The following ARHGAP17 variants were observed in gnomAD, a reference collection of about 807,000 sequenced individuals.
ARHGAP17 encodes the protein Rho GTPase activating protein 17.
A neutral mutation model predicts 99.5 loss-of-function variants in ARHGAP17; 57 were observed. The ratio of observed to expected loss-of-function variants is 0.57; its 90% confidence interval spans 0.46 to 0.71. ARHGAP17 has a LOEUF of 0.71. Among genes scored for constraint, ARHGAP17 ranks in the 30% least tolerant of loss-of-function variants. ARHGAP17 has a pLI of 0.00. For missense variants in ARHGAP17, 1,000 were observed against 1,122.4 expected, an observed-to-expected ratio of 0.89 and a Z score of 1.56; for synonymous variants, 417 against 429.6, an observed-to-expected ratio of 0.97 and a Z score of 0.36.
At chr16:24,980,928 T>C (rs1330675914) in intron 1 of ARHGAP17, among the ~76,000 whole-genome samples, 1 of 152,144 alleles carries the variant, frequency 6.6e-6, no homozygotes, top group African/African-American at 2.4e-5. Context: ...TCAAGGCCTA[T>C]TAAAATTTTC....
chr16:24,927,413 T>C (rs1295469538), intron 19 of ARHGAP17, among the ~76,000 whole-genome samples: 2 of 152,198 alleles, frequency 1.3e-5, no homozygotes, highest in Non-Finnish European at 2.9e-5. Context: ...CTTCCTACTA[T>C]ACCTCAAGCT....
chr16:24,935,011 G>A (rs1185265942), intron 18 of ARHGAP17, among the ~76,000 whole-genome samples: 1 of 152,144 alleles, frequency 6.6e-6, no homozygotes, highest in Non-Finnish European at 1.5e-5. Context: ...TGATCTGCTT[G>A]GAGTTTTAAA....
rs1555465115 is a variant in ARHGAP17, at chr16:24,968,641, C to G, written c.384+20G>C. The G allele has an allele frequency of 1.2e-6, 2 of 1,612,820 alleles. No individual in the cohort carries two copies. The highest frequency in any genetic ancestry group is 3.3e-5 in the Admixed American group (2 of 60,004). ...CCACACCACTCTCGGCTCTTCCGTGCTGCACGGTGAAGCACCCACCTCAGC... is the reference window on the plus strand; with the variant it reads ...CCACACCACTCTCGGCTCTTCCGTGGTGCACGGTGAAGCACCCACCTCAGC... On this transcript the variant is annotated intron_variant, in intron 5 of 19. Coordinates refer to ENST00000289968, the MANE Select transcript of ARHGAP17 (RefSeq NM_001006634.3).
In ARHGAP17 at chr16:24,984,290, C is replaced by G. The variant is rs1416290378; in HGVS notation, c.54-5285G>C. 2.0e-5 allele frequency among the ~76,000 whole-genome samples: 3 copies of G among 152,256 alleles called. 1 individual carries two copies. In the South Asian group the frequency reaches 6.2e-4, roughly 32 times the overall value. ...CACTACCGTCCTCCTCCCTGCTAGA[C>G]AGCAGGTTCCATGAGGGCAGAGAGA... is the stretch of plus-strand genomic sequence containing the variant. On this transcript the variant is annotated intron_variant, in intron 1 of 19. Coordinates refer to ENST00000289968, the MANE Select transcript of ARHGAP17 (RefSeq NM_001006634.3).
At chr16:24,943,663 A>C in intron 15 of ARHGAP17, 108 bp downstream of exon 15, 1 of 955,218 alleles carries the variant, frequency 1.0e-6, no homozygotes, top group East Asian at 2.5e-5. Context: ...AAAAAGTGAA[A>C]CCAATTACGT....
At chr16:24,997,113 T>C (rs1296891724) in intron 1 of ARHGAP17, among the ~76,000 whole-genome samples, 1 of 152,226 alleles carries the variant, frequency 6.6e-6, no homozygotes, top group Non-Finnish European at 1.5e-5. Flanking sequence ...CAGATGCATA[T>C]TCTCTGTCAT....
intron 7 of ARHGAP17, among the ~76,000 whole-genome samples, chr16:24,960,239 T>C (rs1452183198): frequency 6.6e-6 from 1 of 152,140 alleles, no homozygotes; most frequent in Non-Finnish European, 1.5e-5. Flanking sequence ...TGTATTAACA[T>C]CTGGGTTAAA....
intron 14 of ARHGAP17, among the ~76,000 whole-genome samples, chr16:24,946,625 T>C (rs1019566010): frequency 1.3e-5 from 2 of 152,096 alleles, no homozygotes; most frequent in African/African-American, 2.4e-5. Context: ...ACCTTCCTTT[T>C]TCATCCTGAA....
intron 19 of ARHGAP17, among the ~76,000 whole-genome samples, chr16:24,926,315 T>C (rs1364421250): frequency 7.2e-5 from 11 of 151,916 alleles, no homozygotes; most frequent in Non-Finnish European, 1.5e-4. Flanking sequence ...GGCTGGAGTG[T>C]AGTGGCACGA....
chr16:24,921,229 A>C lies in ARHGAP17; in HGVS notation c.2516-969T>G, dbSNP rs187725573. 7.7e-4 allele frequency among the ~76,000 whole-genome samples: 118 copies of C among 152,322 alleles called. 3 individuals carry two copies. In the East Asian group the frequency reaches 0.02, roughly 26 times the overall value. ...TGGGCAGACCAAGGGGATCCTAATTAAGACAAAAGGGCTGGCTTCTCTCGT... is the reference window on the plus strand; with the variant it reads ...TGGGCAGACCAAGGGGATCCTAATTCAGACAAAAGGGCTGGCTTCTCTCGT... On this transcript the variant is annotated intron_variant, in intron 19 of 19. Coordinates refer to ENST00000289968, the MANE Select transcript of ARHGAP17 (RefSeq NM_001006634.3).
At chr16:24,949,130 C>T (rs1810857968) in intron 13 of ARHGAP17, 2 of 301,002 alleles carry the variant, frequency 6.6e-6, no homozygotes, top group South Asian at 9.1e-5. Flanking sequence ...GTCACTCAAA[C>T]TTTTCACAAG....
chr16:24,935,816 A>T, intron 17 of ARHGAP17, 177 bp from the exon 18 acceptor site: 2 of 700,194 alleles, frequency 2.9e-6, no homozygotes, highest in Non-Finnish European at 4.8e-6. Flanking sequence ...TTGGTGCCAT[A>T]TAAAGAGCTA....
rs150167459 is a variant in ARHGAP17, at chr16:24,978,420, G to A, written c.93+546C>T. Among the ~76,000 whole-genome samples, 489 of 152,264 alleles carry A rather than the reference G, an allele frequency of 3.2e-3. 5 individuals are homozygous for A. The highest frequency in any genetic ancestry group is 0.011 in the African/African-American group (462 of 41,544). On this transcript the variant is annotated intron_variant, in intron 2 of 19. Transcript: ENST00000289968. Reference sequence around the variant, plus strand: ...AGCAAATAAATGCTGGTTCTGCCCCGCTGGGATGCACAGCCCCCTGGGGAA... The same window carrying A: ...AGCAAATAAATGCTGGTTCTGCCCCACTGGGATGCACAGCCCCCTGGGGAA...
At chr16:24,988,038 G>A (rs1425058238) in intron 1 of ARHGAP17, among the ~76,000 whole-genome samples, 1 of 152,176 alleles carries the variant, frequency 6.6e-6, no homozygotes, top group African/African-American at 2.4e-5. Context: ...CTGATTTTGT[G>A]CAACACTGTC....
chr16:24,974,085 C>G (rs1250882555), intron 3 of ARHGAP17, among the ~76,000 whole-genome samples: 3 of 152,224 alleles, frequency 2.0e-5, no homozygotes, highest in Non-Finnish European at 2.9e-5. Flanking sequence ...AGAAGCACTT[C>G]TAACATTAAG....
At chr16:24,943,991 G>C (rs1445139887) in intron 14 of ARHGAP17, 129 bp from the exon 15 acceptor site, 5 of 862,452 alleles carry the variant, frequency 5.8e-6, no homozygotes, top group African/African-American at 5.1e-5. Flanking sequence ...CAAAATCACT[G>C]GCCGGGTGTG....
intron 19 of ARHGAP17, among the ~76,000 whole-genome samples, chr16:24,923,581 G>A (rs1254356629): frequency 1.3e-5 from 2 of 152,050 alleles, no homozygotes; most frequent in African/African-American, 2.4e-5. Context: ...AAAATTAGCC[G>A]GGTGTGGTGG....
At chr16:24,978,912 G>C in intron 2 of ARHGAP17, 54 bp downstream of exon 2, 3 of 1,343,360 alleles carry the variant, frequency 2.2e-6, no homozygotes, top group Non-Finnish European at 2.0e-6. Flanking sequence ...TCTCACATAG[G>C]AATTTTTTTC....
In ARHGAP17 at chr16:24,991,498, G is replaced by C. The variant is rs187237511; in HGVS notation, c.54-12493C>G. ...ACACAAAAACAAAAAGCTAGTCAGAGTTAGAGCAGGAGTAGCGCAGGACGT... is the reference window on the plus strand; with the variant it reads ...ACACAAAAACAAAAAGCTAGTCAGACTTAGAGCAGGAGTAGCGCAGGACGT... On this transcript the variant is annotated intron_variant, in intron 1 of 19. Transcript: ENST00000289968. Among the ~76,000 whole-genome samples the C allele has an allele frequency of 2.2e-3, 335 of 152,326 alleles. 1 individual carries two copies. The highest frequency in any genetic ancestry group is 7.7e-3 in the African/African-American group (321 of 41,552).
Sources: gnomAD v4.1 joint callset for allele counts (sites outside exome capture counted in the v4.1 genomes callset) on GRCh38, gnomAD v4.1.1 for gene constraint, MANE v1.5 for transcripts, NCBI Gene and HGNC (gene_info 2026-07-23, HGNC 2026-07-21) for gene names.